Variants in DGKI observed in about 807,000 individuals in gnomAD.
The protein encoded by DGKI is diacylglycerol kinase iota.
DGKI carries 55 observed loss-of-function variants against 147.5 expected under a neutral mutation model. The ratio of observed to expected loss-of-function variants is 0.37; its 90% CI spans 0.30 to 0.47. The LOEUF (loss-of-function observed/expected upper bound fraction) is 0.47, where lower values mean the gene tolerates loss of function less well. DGKI is among the 20% of genes least tolerant of loss of function. The pLI, the probability that DGKI is intolerant of heterozygous loss-of-function variation, is 1.00. For synonymous variants in DGKI, 469 were observed against 477.1 expected (o/e 0.98, Z 0.22); for missense variants, 1,007 against 1,323.8 (o/e 0.76, Z 3.71).
intron 27 of DGKI, among the ~76,000 whole-genome samples, chr7:137,456,409 A>C (rs1001508819): frequency 1.3e-5 from 2 of 152,146 alleles, no homozygotes; most frequent in African/African-American, 4.8e-5. Flanking sequence ...TTTTGGTTTG[A>C]CAAAGCACCT....
At chr7:137,686,464 G>A (rs561013093) in intron 2 of DGKI, among the ~76,000 whole-genome samples, 8 of 152,234 alleles carry the variant, frequency 5.3e-5, no homozygotes, top group South Asian at 2.1e-4. Flanking sequence ...ATCTATTGCC[G>A]AAAAATCTTC....
intron 20 of DGKI, among the ~76,000 whole-genome samples, chr7:137,545,690 T>C (rs1031264872): frequency 1.3e-5 from 2 of 152,188 alleles, no homozygotes; most frequent in South Asian, 2.1e-4. Flanking sequence ...CATCCAAAAA[T>C]TGAACTGTTA....
chr7:137,570,437 T>G (rs528219473), intron 19 of DGKI, among the ~76,000 whole-genome samples: 6 of 152,318 alleles, frequency 3.9e-5, no homozygotes, highest in Admixed American at 1.3e-4. Context: ...TCAGATATTT[T>G]GTGATAATGG....
chr7:137,543,194 T>G (rs1481608151), intron 20 of DGKI, among the ~76,000 whole-genome samples: 1 of 152,198 alleles, frequency 6.6e-6, no homozygotes, highest in Admixed American at 6.5e-5. Flanking sequence ...TGAAATGTAG[T>G]GTGTACATGT....
At chr7:137,602,569 G>GA (rs1309880565) in intron 10 of DGKI, among the ~76,000 whole-genome samples, 1 of 152,048 alleles carries the variant, frequency 6.6e-6, no homozygotes, top group Non-Finnish European at 1.5e-5. Context: ...AGAAAGCGTT[G>GA]AAAAAATGCT....
chr7:137,422,894 G>A (rs375887253), intron 28 of DGKI, among the ~76,000 whole-genome samples: 40 of 152,136 alleles, frequency 2.6e-4, no homozygotes, highest in South Asian at 6.2e-4. Context: ...GTGAGCCACC[G>A]CGCCCACCCT....
intron 1 of DGKI, among the ~76,000 whole-genome samples, chr7:137,811,382 T>TCA (rs1212884751): frequency 2.0e-4 from 20 of 98,496 alleles, no homozygotes; most frequent in Non-Finnish European, 3.2e-4. Flanking sequence ...TCTCTCTCTC[T>TCA]CTCACACACA....
chr7:137,513,039 G>A (rs148165426), intron 21 of DGKI, among the ~76,000 whole-genome samples: 5 of 152,166 alleles, frequency 3.3e-5, no homozygotes, highest in East Asian at 3.9e-4. Flanking sequence ...CAATTCTGCC[G>A]AACCCTGTCA....
chr7:137,453,462 CTTTG>C (rs1377439788), intron 27 of DGKI, among the ~76,000 whole-genome samples: 2 of 152,200 alleles, frequency 1.3e-5, no homozygotes, highest in African/African-American at 4.8e-5. Context: ...ATAATCCTCT[CTTTG>C]TTTGCTTTTG....
chr7:137,570,918 C>T (rs1818771494), intron 19 of DGKI, among the ~76,000 whole-genome samples: 1 of 152,136 alleles, frequency 6.6e-6, no homozygotes, highest in African/African-American at 2.4e-5. Flanking sequence ...AGCATAAAAA[C>T]TTTTCATTCT....
Position 137,474,026 on chromosome 7 carries a change from T to C in DGKI, c.2374-4407A>G, listed in dbSNP as rs565706420. ...GCTTCCCTGAAATACATTTGCATCC[T>C]CTTCCAACTTTTGTGAAGCTCTTTC... is the stretch of plus-strand genomic sequence containing the variant. On this transcript the variant is annotated intron_variant, in intron 23 of 32. Transcript: ENST00000614521. Among the ~76,000 whole-genome samples the C allele has an allele frequency of 2.6e-5, 4 of 152,310 alleles. No homozygotes were observed. The East Asian group carries it at 5.8e-4, about 22-fold the overall frequency.
At chr7:137,420,068 A>C (rs1253137722) in intron 28 of DGKI, among the ~76,000 whole-genome samples, 1 of 152,234 alleles carries the variant, frequency 6.6e-6, no homozygotes, top group African/African-American at 2.4e-5. Context: ...GATCCAGTTC[A>C]AATATGATCA....
At chr7:137,613,200 G>A (rs1056781647) in intron 8 of DGKI, among the ~76,000 whole-genome samples, 7 of 151,918 alleles carry the variant, frequency 4.6e-5, no homozygotes, top group African/African-American at 1.5e-4. Flanking sequence ...AGATCTGTTC[G>A]CTCTTCTTTG....
intron 1 of DGKI, among the ~76,000 whole-genome samples, chr7:137,723,022 T>C (rs1391850920): frequency 6.6e-6 from 1 of 152,122 alleles, no homozygotes; most frequent in Non-Finnish European, 1.5e-5. Flanking sequence ...ATCTGTAAAA[T>C]GGGACTAATT....
chr7:137,410,085 T>TCA (rs1327141457), intron 29 of DGKI, among the ~76,000 whole-genome samples: 2 of 152,050 alleles, frequency 1.3e-5, no homozygotes, highest in African/African-American at 4.8e-5. Flanking sequence ...CCTTAAGCCC[T>TCA]CAGTAAATAT....
At chr7:137,575,498 C>T (rs1288696460) in intron 17 of DGKI, among the ~76,000 whole-genome samples, 3 of 152,210 alleles carry the variant, frequency 2.0e-5, no homozygotes, top group Non-Finnish European at 4.4e-5. Flanking sequence ...ATGGCCACCA[C>T]CCAGCATGCA....
chr7:137,768,911 A>C (rs1796096491), intron 1 of DGKI, among the ~76,000 whole-genome samples: 1 of 152,218 alleles, frequency 6.6e-6, no homozygotes, highest in African/African-American at 2.4e-5. Flanking sequence ...TTCTTTTAGA[A>C]GATGAGGTGT....
In DGKI at chr7:137,441,400, G is replaced by A. The variant is rs1338479711; in HGVS notation, c.2761+2677C>T. ...CGTGCCACTGCACTCCAGCCTGGGC[G>A]ACAGAGTGAGACTCCGTCTCAAAAA... On this transcript the variant is annotated intron_variant, in intron 28 of 32. Coordinates refer to ENST00000614521, the MANE Select transcript of DGKI (RefSeq NM_001321708.2). Among the ~76,000 whole-genome samples the A allele has an allele frequency of 2.5e-4, 31 of 121,844 alleles. 1 individual carries two copies. Among genetic ancestry groups the A allele is most frequent in the African/African-American group, 1.2e-4 (4 of 32,344 alleles). The allele number at this position is 121,844 out of a possible 152,430, so 79.9% of individuals were successfully genotyped here. A position where few individuals can be genotyped will look rare whatever the true frequency, so the allele number is the denominator to read the frequency against.
At chr7:137,549,195 T>A (rs540171579) in intron 20 of DGKI, among the ~76,000 whole-genome samples, 2 of 152,268 alleles carry the variant, frequency 1.3e-5, no homozygotes, top group East Asian at 3.9e-4. Flanking sequence ...ATGAGTCCAG[T>A]TTCTAGCATG....
Sources: allele counts gnomAD v4.1 joint callset (sites outside exome capture counted in the v4.1 genomes callset), GRCh38; gene constraint gnomAD v4.1.1; transcripts MANE v1.5; gene names NCBI Gene and HGNC (gene_info 2026-07-23, HGNC 2026-07-21).